The following ZNF880 variants were observed in gnomAD, a reference collection of about 807,000 sequenced individuals.
ZNF880 encodes zinc finger protein 880, also known as zinc finger protein LOC400713.
Under a neutral mutation model 11.8 loss-of-function variants are expected in ZNF880, and 12 were observed. That is an observed-to-expected ratio of 1.02 (90% confidence interval 0.65 to 1.65). The LOEUF (loss-of-function observed/expected upper bound fraction) is 1.65, where lower values mean the gene tolerates loss of function less well. Ranked by LOEUF, ZNF880 falls within the 40% of genes most tolerant of loss-of-function variation. The probability of loss-of-function intolerance (pLI) is 0.00; values close to 1 mark genes in which losing one functional copy is unlikely to be tolerated. For synonymous variants in ZNF880, 210 were observed against 232.4 expected (o/e 0.90, Z 0.88); for missense variants, 601 against 673.9 (o/e 0.89, Z 1.20).
downstream of ZNF880, among the ~76,000 whole-genome samples, chr19:52,386,729 G>A (rs1294085332): frequency 7.3e-6 from 1 of 137,710 alleles, no homozygotes; most frequent in Non-Finnish European, 1.6e-5. Context: ...TTGAACCCGG[G>A]AGGCAGAGGT....
intron 3 of ZNF880, 36 bp downstream of exon 3, chr19:52,374,463 A>T: frequency 1.6e-6 from 2 of 1,266,156 alleles, no homozygotes; most frequent in South Asian, 2.8e-5. Context: ...AGGCCCCATA[A>T]TTTTTTTTTT....
chr19:52,375,061 CCT>C (rs1986512957), intron 3 of ZNF880, among the ~76,000 whole-genome samples: 1 of 151,696 alleles, frequency 6.6e-6, no homozygotes, highest in Non-Finnish European at 1.5e-5. Context: ...TTCTTTGCCC[CCT>C]CTTACTGCTG....
Position 52,385,228 on chromosome 19 carries a change from T to C in ZNF880, c.1648T>C (p.Cys550Arg), listed in dbSNP as rs1359311746. The C allele has an allele frequency of 1.3e-6, 2 of 1,551,960 alleles. No individual in the cohort carries two copies. The highest frequency in any genetic ancestry group is 2.0e-5 in the Admixed American group (1 of 51,000). Reference sequence around the variant, plus strand: ...TCATACTGGGGAGAAACCGTACAGATGTCATGAATGTGGTAAGGACTTCAC... The same window carrying C: ...TCATACTGGGGAGAAACCGTACAGACGTCATGAATGTGGTAAGGACTTCAC... ...RIHTGEKPYR[C>R]HECGKDFTRN... Residue 550 changes from cysteine (C) to arginine (R), a missense_variant, in exon 4 of 4, where the codon TGT (cysteine) becomes CGT (arginine). Transcript: ENST00000422689.
intron 3 of ZNF880, among the ~76,000 whole-genome samples, chr19:52,380,322 T>C (rs62108318): frequency 0.39 from 58,578 of 151,382 alleles, 11,434 homozygotes; most frequent in South Asian, 0.51. Context: ...TAACAATAAA[T>C]ATTCCATATT....
chr19:52,373,510 C>T (rs917452674), intron 2 of ZNF880, among the ~76,000 whole-genome samples: 6 of 152,038 alleles, frequency 3.9e-5, no homozygotes, highest in African/African-American at 1.2e-4. Flanking sequence ...CTTAAGTATG[C>T]GTCAAACCTT....
the ZNF880 span, among the ~76,000 whole-genome samples, chr19:52,393,293 G>T: frequency 6.6e-6 from 1 of 151,612 alleles, no homozygotes; most frequent in Non-Finnish European, 1.5e-5. Context: ...GGCTGGTCTC[G>T]AACTGCTGTC....
At position 52,369,942 on chromosome 19, in the gene ZNF880, AGC is replaced by A; in HGVS notation, c.-23_-22del. ...GCGCGCAGTTTCCTGGAGACCCGGA[AGC>A]AGATTACGTGGAGTGACGGTCATGC... is the stretch of plus-strand genomic sequence containing the variant. On this transcript the variant is annotated 5_prime_UTR_variant, in exon 1 of 4. Coordinates refer to ENST00000422689, the MANE Select transcript of ZNF880 (RefSeq NM_001145434.2). The A allele has an allele frequency of 6.4e-7, 1 of 1,551,600 alleles. No individual in the cohort carries two copies.
chr19:52,388,661 T>A (rs1986961863), downstream of ZNF880, among the ~76,000 whole-genome samples: 1 of 152,052 alleles, frequency 6.6e-6, no homozygotes, highest in African/African-American at 2.4e-5. Flanking sequence ...GATGATGCCA[T>A]ACACTGATAT....
chr19:52,378,029 C>T (rs546554971), intron 3 of ZNF880, among the ~76,000 whole-genome samples: 132 of 152,194 alleles, frequency 8.7e-4, no homozygotes, highest in African/African-American at 3.1e-3. Flanking sequence ...AGCCCCTCTT[C>T]CCTTCCTGGA....
chr19:52,389,796 A>C (rs978112393), downstream of ZNF880: 1 of 152,218 alleles, frequency 6.6e-6, no homozygotes, highest in African/African-American at 2.4e-5. Context: ...CCTGCAGCTC[A>C]CCTCTGCTCC....
rs1986713496 is a variant in ZNF880, at chr19:52,381,749, A to AT, written c.269-2096dup. On this transcript the variant is annotated intron_variant, in intron 3 of 3. Transcript: ENST00000422689. ...CCCATCTCTTGTGTGTGTCGGATAG[A>AT]TTTTCTCTTTGTGGTTAGCATTGCA... 2.0e-5 allele frequency among the ~76,000 whole-genome samples: 3 copies of AT among 151,934 alleles called. No homozygotes were observed. The South Asian group carries it at 6.2e-4, about 31-fold the overall frequency.
At chr19:52,392,384 G>A in the ZNF880 span, among the ~76,000 whole-genome samples, 15,702 of 151,894 alleles carry the variant, frequency 0.1, 1,101 homozygotes, top group African/African-American at 0.19. Context: ...CATTGCAACC[G>A]CCACCTCCCG....
downstream of ZNF880, among the ~76,000 whole-genome samples, chr19:52,386,197 A>G (rs147278691): frequency 2.3e-4 from 33 of 141,418 alleles, 3 homozygotes; most frequent in East Asian, 6.8e-3. Context: ...AAGAAAGAAA[A>G]AGAAGCAGTA....
chr19:52,370,650 T>TTTA (rs1815874581), intron 1 of ZNF880: 1 of 152,210 alleles, frequency 6.6e-6, no homozygotes. Context: ...AGTACGGGTA[T>TTTA]TTAATAGAGA....
chr19:52,385,022 A>T lies in ZNF880; in HGVS notation c.1442A>T (p.Asn481Ile). 1 of 1,566,138 alleles carries T rather than the reference A, an allele frequency of 6.4e-7. No individual in the cohort carries two copies. Among genetic ancestry groups the T allele is most frequent in the Non-Finnish European group, 8.7e-7 (1 of 1,154,266 alleles). ...TTCACTCGAAATTCAAACCTTGCAA[A>T]TCATCACAGAATCCATACTGGAGAG... is the stretch of plus-strand genomic sequence containing the variant. Reference protein sequence around the residue: ...KDFTRNSNLANHHRIHTGEKP... With the variant: ...KDFTRNSNLAIHHRIHTGEKP... Residue 481 changes from asparagine (N) to isoleucine (I), a missense_variant, in exon 4 of 4, where the codon AAT becomes ATT. Physicochemically the swap from Asn to Ile is moderately radical, Grantham distance 149. Around this residue, in one of 3 missense-constraint regions of ZNF880, gnomAD observed 177 missense variants for 214.5 expected, o/e 0.83. Coordinates refer to ENST00000422689, the MANE Select transcript of ZNF880 (RefSeq NM_001145434.2).
In ZNF880 at chr19:52,373,132, G is replaced by A. The variant is rs14048; in HGVS notation, c.34G>A (p.Val12Met). ...LRRGHLAFRD[V>M]AIEFPQEEWK... ...TTAGGGACACTTGGCATTCAGGGAC[G>A]TGGCCATAGAATTCCCTCAGGAGGA... The change falls in exon 2 of 4, where the codon GTG becomes ATG. Residue 12 changes from valine to methionine, a missense_variant. Transcript: ENST00000422689. 144,535 of 1,612,478 alleles carry A rather than the reference G, an allele frequency of 0.09. 7,284 individuals are homozygous for A. Among genetic ancestry groups the A allele is most frequent in the Non-Finnish European group, 0.1 (120,629 of 1,178,918 alleles).
chr19:52,377,244 C>CTT (rs113742244), intron 3 of ZNF880, among the ~76,000 whole-genome samples: 3 of 148,498 alleles, frequency 2.0e-5, no homozygotes, highest in African/African-American at 4.9e-5. Context: ...ATTGGCTGCT[C>CTT]TTTTTTTTTT....
chr19:52,375,363 T>C (rs1362185026), intron 3 of ZNF880, among the ~76,000 whole-genome samples: 1 of 151,528 alleles, frequency 6.6e-6, no homozygotes, highest in African/African-American at 2.4e-5. Flanking sequence ...ATTTTTTTTT[T>C]GTATTTTTAG....
Position 52,383,869 on chromosome 19 carries a change from A to G in ZNF880, c.289A>G (p.Ser97Gly). The change falls in exon 4 of 4, where the codon AGC (serine) becomes GGC (glycine). Residue 97 changes from serine to glycine, a missense_variant. This residue lies in a region of ZNF880 where 420 missense variants were observed against 442.6 expected (regional missense o/e 0.95). Coordinates refer to ENST00000422689, the MANE Select transcript of ZNF880 (RefSeq NM_001145434.2). ...VNAESSSKLG[S>G]NAGNKSLKNQ... ...TTTAGAGAGCAGCTCTAAATTGGGA[A>G]GCAATGCCGGAAACAAGTCTCTTAA... The G allele has an allele frequency of 1.3e-6, 2 of 1,544,370 alleles. No individual in the cohort carries two copies. Among genetic ancestry groups the G allele is most frequent in the Non-Finnish European group, 1.7e-6 (2 of 1,147,440 alleles).
Sources: gnomAD v4.1 joint callset for allele counts (sites outside exome capture counted in the v4.1 genomes callset) on GRCh38, gnomAD v4.1.1 for gene constraint, gnomAD v4.1.1 regional missense constraint, MANE v1.5 for transcripts, NCBI Gene and HGNC (gene_info 2026-07-23, HGNC 2026-07-21) for gene names.